Variants in CAMKK2 observed in about 807,000 individuals in gnomAD.
CAMKK2 encodes the protein calcium/calmodulin-dependent protein kinase kinase 2.
CAMKK2 carries 30 observed loss-of-function variants against 67.2 expected under a neutral mutation model. That is an observed-to-expected ratio of 0.45 (90% CI 0.33 to 0.61). The LOEUF (loss-of-function observed/expected upper bound fraction) is 0.61, where lower values mean the gene tolerates loss of function less well. Among genes scored for constraint, CAMKK2 ranks in the 20% least tolerant of loss-of-function variants. The pLI, the probability that CAMKK2 is intolerant of heterozygous loss-of-function variation, is 0.02. For missense variants in CAMKK2, 643 were observed against 802.0 expected (o/e 0.80, Z 2.39); for synonymous variants, 322 against 326.2 (o/e 0.99, Z 0.14).
chr12:121,278,926 C>T (rs1897260222), intron 1 of CAMKK2, among the ~76,000 whole-genome samples: 1 of 152,198 alleles, frequency 6.6e-6, no homozygotes, highest in South Asian at 2.1e-4. Context: ...GGCTGTGTGG[C>T]CTGCGTCCCC....
intron 11 of CAMKK2, 50 bp downstream of exon 11, chr12:121,252,611 C>T: frequency 6.4e-7 from 1 of 1,560,986 alleles, no homozygotes; most frequent in South Asian, 1.1e-5. Flanking sequence ...TGACTATTAA[C>T]CCAGGGGCCA....
Position 121,240,295 on chromosome 12 carries a change from TG to T in CAMKK2, c.*403del. 1 of 763,262 alleles carries T rather than the reference TG, an allele frequency of 1.3e-6. No individual in the cohort carries two copies. The highest frequency in any genetic ancestry group is 2.1e-6 in the Non-Finnish European group (1 of 483,432). 47.3% of individuals were successfully genotyped at this position (763,262 alleles called of 1,614,324 possible). ...CTCTCAAATGCAGCAACCACCTCCA[TG>T]GCCTCAGACCGCCGGAGTTTTCTGC... On this transcript the variant is annotated 3_prime_UTR_variant, in exon 17 of 17. Transcript: ENST00000404169. This position sits in a 1 kb window ranked among gnomAD's most constrained non-coding sequence, Gnocchi z 4.4.
chr12:121,283,923 C>T (rs1203258559), intron 1 of CAMKK2, among the ~76,000 whole-genome samples: 2 of 152,256 alleles, frequency 1.3e-5, no homozygotes, highest in Non-Finnish European at 2.9e-5. Flanking sequence ...TGAAGAACTG[C>T]ACACTGATAG....
chr12:121,243,019 G>A (rs557670809), intron 16 of CAMKK2, among the ~76,000 whole-genome samples: 5 of 151,772 alleles, frequency 3.3e-5, no homozygotes, highest in South Asian at 2.1e-4. Context: ...TGGGATTACA[G>A]GCGTGAGCCA....
At chr12:121,287,790 A>G (rs915502224) in intron 1 of CAMKK2, among the ~76,000 whole-genome samples, 4 of 152,056 alleles carry the variant, frequency 2.6e-5, no homozygotes, top group African/African-American at 9.7e-5. Context: ...GCAACACAGC[A>G]AGACCCCATC....
chr12:121,257,606 A>G (rs1239583349), intron 7 of CAMKK2, among the ~76,000 whole-genome samples: 1 of 152,152 alleles, frequency 6.6e-6, no homozygotes, highest in Non-Finnish European at 1.5e-5. Flanking sequence ...GGAACAGGGA[A>G]GCTACTCAGA....
chr12:121,243,529 C>T (rs1040982202), intron 16 of CAMKK2: 1 of 153,004 alleles, frequency 6.5e-6, no homozygotes, highest in African/African-American at 2.4e-5. Flanking sequence ...ACATGTAGAG[C>T]ATGGATGAAC....
chr12:121,249,565 C>T (rs553110211), intron 13 of CAMKK2, among the ~76,000 whole-genome samples: 1 of 152,286 alleles, frequency 6.6e-6, no homozygotes, highest in Admixed American at 6.5e-5. Context: ...CAAGTGCAGG[C>T]TGGCGGGTCA....
intron 1 of CAMKK2, among the ~76,000 whole-genome samples, chr12:121,280,104 G>T (rs1007422788): frequency 2.0e-5 from 3 of 152,190 alleles, no homozygotes; most frequent in African/African-American, 7.2e-5. Context: ...TGTCCTCCTT[G>T]GGAAAATGGG....
In CAMKK2 at chr12:121,253,775, G is replaced by A. The variant is rs529073814; in HGVS notation, c.908-303C>T. 6.6e-6 allele frequency among the ~76,000 whole-genome samples: 1 copy of A among 152,188 alleles called. No individual in the cohort carries two copies. The highest frequency in any genetic ancestry group is 1.5e-5 in the Non-Finnish European group (1 of 68,036). ...TCGCCTGTTATTTATTAAGTCACAA[G>A]TGACAGTGCATGGAAAGTTTTTGCT... On this transcript the variant is annotated intron_variant, in intron 9 of 16. Transcript: ENST00000404169. This position sits in a 1 kb window ranked among gnomAD's most constrained non-coding sequence, Gnocchi z 5.0.
chr12:121,269,233 C>A (rs1653607), intron 4 of CAMKK2, among the ~76,000 whole-genome samples: 1 of 152,112 alleles, frequency 6.6e-6, no homozygotes, highest in Non-Finnish European at 1.5e-5. Flanking sequence ...CACACAGACA[C>A]CTGTCTCACT....
Position 121,238,510 on chromosome 12 carries a change from T to G in CAMKK2, c.*2189A>C, listed in dbSNP as rs1033209682. 7 of 152,558 alleles carry G rather than the reference T, an allele frequency of 4.6e-5. No homozygotes were observed. The highest frequency in any genetic ancestry group is 1.7e-4 in the African/African-American group (7 of 41,414). 9.5% of individuals were successfully genotyped at this position (152,558 alleles called of 1,614,324 possible). ...TTACAGCCATCTTGGCTTATCCTTT[T>G]CATGTGGGGCAGGTCCTTTCCACAG... is the stretch of plus-strand genomic sequence containing the variant. On this transcript the variant is annotated 3_prime_UTR_variant, in exon 17 of 17. Coordinates refer to ENST00000404169, the MANE Select transcript of CAMKK2 (RefSeq NM_001270485.2).
At chr12:121,252,923 G>A (rs1381506346) in intron 10 of CAMKK2, among the ~76,000 whole-genome samples, 2 of 152,154 alleles carry the variant, frequency 1.3e-5, no homozygotes, top group Non-Finnish European at 2.9e-5. Flanking sequence ...GTTCAAGCAT[G>A]GGCACATGAC....
At chr12:121,249,310 T>G (rs1006464286) in intron 13 of CAMKK2, among the ~76,000 whole-genome samples, 1 of 152,214 alleles carries the variant, frequency 6.6e-6, no homozygotes, top group African/African-American at 2.4e-5. Context: ...GGGCCAGATA[T>G]ATGTGTGTGG....
chr12:121,259,740 A>T (rs1273098824), intron 7 of CAMKK2, among the ~76,000 whole-genome samples: 1 of 151,924 alleles, frequency 6.6e-6, no homozygotes, highest in Non-Finnish European at 1.5e-5. Context: ...TTTTTCCTAT[A>T]CAATGTTAAA....
At position 121,240,737 on chromosome 12, in the gene CAMKK2, G is replaced by A. The variant is rs200101277; in HGVS notation, c.1729C>T (p.His577Tyr). The A allele has an allele frequency of 1.9e-6, 3 of 1,608,992 alleles. No homozygotes were observed. The highest frequency in any genetic ancestry group is 1.7e-5 in the Admixed American group (1 of 59,068). Residue 577 changes from histidine (H) to tyrosine (Y), a missense_variant, in exon 17 of 17, where the codon CAT (histidine) becomes TAT (tyrosine). Coordinates refer to ENST00000404169, the MANE Select transcript of CAMKK2 (RefSeq NM_001270485.2). The surrounding 1 kb of genome is among the most constrained non-coding windows in gnomAD (Gnocchi z 4.4). Reference sequence around the variant, plus strand: ...ATGGCCTCCTCCGGCCGCAGTGGATGCATGCGTGCGGGGGAGCCGGGGGCG... The same window carrying A: ...ATGGCCTCCTCCGGCCGCAGTGGATACATGCGTGCGGGGGAGCCGGGGGCG... Reference protein sequence around the residue: ...APAPGSPARMHPLRPEEAMEP... With the variant: ...APAPGSPARMYPLRPEEAMEP...
intron 1 of CAMKK2, among the ~76,000 whole-genome samples, chr12:121,295,592 C>G (rs1424174912): frequency 6.6e-6 from 1 of 152,160 alleles, no homozygotes; most frequent in Non-Finnish European, 1.5e-5. Flanking sequence ...GGCAGCACAG[C>G]TCTAGGGCAC....
intron 6 of CAMKK2, among the ~76,000 whole-genome samples, chr12:121,262,559 G>GTTCTCTTTTTGTTT (rs113092947): frequency 0.066 from 9,952 of 151,668 alleles, 1,075 homozygotes; most frequent in African/African-American, 0.23. Flanking sequence ...TAAGCTTATT[G>GTTCTCTTTTTGTTT]TTTTCTTTTC....
Position 121,240,821 on chromosome 12 carries a change from C to CA in CAMKK2, c.1644dup (p.Gly549TrpfsTer65). On this transcript the variant is annotated frameshift_variant, in exon 17 of 17. Coordinates refer to ENST00000404169, the MANE Select transcript of CAMKK2 (RefSeq NM_001270485.2). LOFTEE classifies it low-confidence loss of function (END_TRUNC). This position sits in a 1 kb window ranked among gnomAD's most constrained non-coding sequence, Gnocchi z 4.4. The stretch of plus-strand genomic sequence containing the variant: ...CTCACAAGAGCACTTCCTCCTCCCC[C>CA]ACGGGGGGCGGGTCGGTGCCCTGGA... 3.1e-6 allele frequency: 5 copies of CA among 1,611,932 alleles called. No individual in the cohort carries two copies. Among genetic ancestry groups the CA allele is most frequent in the Non-Finnish European group, 4.2e-6 (5 of 1,179,732 alleles).
Sources: gnomAD v4.1 joint callset for allele counts (sites outside exome capture counted in the v4.1 genomes callset) on GRCh38, gnomAD v4.1.1 for gene constraint, Gnocchi (gnomAD v3.1) non-coding constraint, MANE v1.5 for transcripts, NCBI Gene and HGNC (gene_info 2026-07-23, HGNC 2026-07-21) for gene names.